Variants in AACS observed in about 807,000 individuals in gnomAD.
AACS encodes the protein acetoacetate-CoA ligase.
AACS carries 69 observed loss-of-function variants against 83.1 expected under a neutral mutation model. That is an observed-to-expected ratio of 0.83 (90% confidence interval 0.68 to 1.01). AACS has a LOEUF of 1.01. Among genes scored for constraint, AACS ranks in the 50% least tolerant of loss-of-function variants. The pLI is 0.00. For missense variants in AACS, 866 were observed against 882.2 expected, an observed-to-expected ratio of 0.98 and a Z score of 0.23; for synonymous variants, 333 against 343.4, an observed-to-expected ratio of 0.97 and a Z score of 0.33.
Position 125,124,943 on chromosome 12 carries a change from A to T in AACS, c.1228A>T (p.Thr410Ser). 6.2e-7 allele frequency: 1 copy of T among 1,614,220 alleles called. No individual in the cohort carries two copies. The highest frequency in any genetic ancestry group is 1.1e-5 in the South Asian group (1 of 91,092). The change falls in exon 12 of 18, where the codon ACT becomes TCT. Residue 410 changes from threonine to serine, a missense_variant. Physicochemically the swap from Thr to Ser is moderately conservative, Grantham distance 58. Transcript: ENST00000316519. Reference sequence around the variant, plus strand: ...CCAGATGCTCCACACGATCCTGTCCACTGGCTCCCCACTGAAAGCCCAGAG... The same window carrying T: ...CCAGATGCTCCACACGATCCTGTCCTCTGGCTCCCCACTGAAAGCCCAGAG... The part of the protein sequence containing the change: ...SLQMLHTILS[T>S]GSPLKAQSYE...
At chr12:125,065,745 G>C (rs1382054116) in intron 1 of AACS, 28 bp downstream of exon 1, 6 of 1,510,220 alleles carry the variant, frequency 4.0e-6, no homozygotes, top group Non-Finnish European at 5.3e-6. Context: ...GGCCGGGCCT[G>C]CGGGGGATGG....
In AACS at chr12:125,097,982, G is replaced by A. The variant is rs531126368; in HGVS notation, c.571-4697G>A. ...CACGCGTGCCGTCGTAGTAGCTTCC[G>A]ACCAGTCTCATTTCTGCTTCTCTCT... On this transcript the variant is annotated intron_variant, in intron 5 of 17. Coordinates refer to ENST00000316519, the MANE Select transcript of AACS (RefSeq NM_023928.5). The surrounding 1 kb of genome is among the most constrained non-coding windows in gnomAD (Gnocchi z 4.3). Among the ~76,000 whole-genome samples, 7 of 152,304 alleles carry A rather than the reference G, an allele frequency of 4.6e-5. No homozygotes were observed. The East Asian group carries it at 7.7e-4, about 17-fold the overall frequency.
intron 14 of AACS, among the ~76,000 whole-genome samples, chr12:125,131,033 C>T (rs567904963): frequency 1.4e-4 from 21 of 152,266 alleles, no homozygotes; most frequent in Non-Finnish European, 2.6e-4. Flanking sequence ...CAAAACCAAG[C>T]AACAAGAGCA....
intron 14 of AACS, among the ~76,000 whole-genome samples, chr12:125,131,717 G>A (rs537282390): frequency 6.6e-6 from 1 of 152,248 alleles, no homozygotes; most frequent in African/African-American, 2.4e-5. Context: ...TCCTGCCTCA[G>A]CCTCCTGAGT....
In AACS at chr12:125,114,569, C is replaced by A; in HGVS notation, c.996+12C>A. The A allele has an allele frequency of 6.2e-7, 1 of 1,611,528 alleles. No individual in the cohort carries two copies. The highest frequency in any genetic ancestry group is 8.5e-7 in the Non-Finnish European group (1 of 1,178,954). ...TGTGCTACACCACGGTAAGGGCTTC[C>A]CCAGGTGCTGGCCTGTGCTATACCA... On this transcript the variant is annotated intron_variant, in intron 9 of 17. Transcript: ENST00000316519.
At chr12:125,125,606 A>G (rs561053551) in intron 12 of AACS, 13 of 152,718 alleles carry the variant, frequency 8.5e-5, no homozygotes, top group African/African-American at 3.1e-4. Flanking sequence ...TTTAGTGAGT[A>G]GGCAAATTCC....
At chr12:125,070,913 AC>A (rs1955843805) in intron 1 of AACS, among the ~76,000 whole-genome samples, 3 of 152,214 alleles carry the variant, frequency 2.0e-5, no homozygotes, top group African/African-American at 7.2e-5. Context: ...GCTAATCCTC[AC>A]TGTGTGGTGT....
chr12:125,134,903 G>A (rs1957380756), intron 16 of AACS, 51 bp downstream of exon 16: 1 of 1,604,806 alleles, frequency 6.2e-7, no homozygotes, highest in East Asian at 2.2e-5. Flanking sequence ...AAGGAGGAGG[G>A]TCCTGGCGGG....
intron 7 of AACS, chr12:125,105,748 G>A (rs1313633953): frequency 6.6e-6 from 1 of 152,198 alleles, no homozygotes; most frequent in African/African-American, 2.4e-5. Flanking sequence ...ACGGGGCCGG[G>A]GGAGCCACCC....
chr12:125,098,523 C>T (rs546292159), intron 5 of AACS, among the ~76,000 whole-genome samples: 11 of 151,664 alleles, frequency 7.3e-5, no homozygotes, highest in African/African-American at 2.4e-4. Context: ...ATGATCTCAG[C>T]TCACTGCAAC....
chr12:125,111,252 G>A (rs1028654361), intron 8 of AACS, among the ~76,000 whole-genome samples: 26 of 148,972 alleles, frequency 1.7e-4, no homozygotes, highest in African/African-American at 6.0e-4. Flanking sequence ...CCTGGGTGCA[G>A]GTCTGTGAGT....
Position 125,134,856 on chromosome 12 carries a change from C to CG in AACS, c.1678+5dup. 6.2e-7 allele frequency: 1 copy of CG among 1,614,136 alleles called. No individual in the cohort carries two copies. ...AGCTCGGAAATCTATAACATTGGTA[C>CG]GTGCTTCCCCTCCCTGAGCGTTCTC... On this transcript the variant is annotated splice_donor_region_variant and intron_variant, in intron 16 of 17. Transcript: ENST00000316519.
At chr12:125,103,135 C>T (rs113208207) in intron 7 of AACS, 54 bp downstream of exon 7, 34 of 1,490,214 alleles carry the variant, frequency 2.3e-5, no homozygotes, top group African/African-American at 8.4e-5. Context: ...GGAGCTCCTG[C>T]GGGGAAGTAG....
chr12:125,097,031 G>A lies in AACS; in HGVS notation c.570+5508G>A, dbSNP rs150628634. The stretch of plus-strand genomic sequence containing the variant: ...TGGTGCCAGGAAGGGCCATTTCTGG[G>A]CATTCTGTTCTTCTGATGGATTTGG... On this transcript the variant is annotated intron_variant, in intron 5 of 17. Transcript: ENST00000316519. This position sits in a 1 kb window ranked among gnomAD's most constrained non-coding sequence, Gnocchi z 4.3. Among the ~76,000 whole-genome samples the A allele has an allele frequency of 1.5e-3, 231 of 152,282 alleles. No individual in the cohort carries two copies. The highest frequency in any genetic ancestry group is 1.8e-3 in the Non-Finnish European group (122 of 68,014).
intron 14 of AACS, among the ~76,000 whole-genome samples, chr12:125,132,724 G>A (rs1448972996): frequency 6.6e-6 from 1 of 152,150 alleles, no homozygotes; most frequent in Non-Finnish European, 1.5e-5. Context: ...GTAGCTTTGG[G>A]CTCATTTCAT....
At chr12:125,139,512 G>T (rs182135040) in intron 17 of AACS, 1 of 152,446 alleles carries the variant, frequency 6.6e-6, no homozygotes, top group Non-Finnish European at 1.5e-5. Context: ...GAGCCTCTCT[G>T]GTGGGTGCCG....
rs1957477392 is a variant in AACS, at chr12:125,140,895, C to T, written c.1882-1197C>T. The stretch of plus-strand genomic sequence containing the variant: ...AGCTGGGCCACTTCTGAAGTAATGG[C>T]AATATCAATAAAGTAATGGTCTTTA... On this transcript the variant is annotated intron_variant, in intron 17 of 17. Coordinates refer to ENST00000316519, the MANE Select transcript of AACS (RefSeq NM_023928.5). This position sits in a 1 kb window ranked among gnomAD's most constrained non-coding sequence, Gnocchi z 5.1. 1 of 152,092 alleles carries T rather than the reference C, an allele frequency of 6.6e-6. No individual in the cohort carries two copies. The highest frequency in any genetic ancestry group is 2.4e-5 in the African/African-American group (1 of 41,398). The allele number at this position is 152,092 out of a possible 1,614,324, so 9.4% of individuals were successfully genotyped here.
intron 10 of AACS, chr12:125,120,884 G>C (rs1957142384): frequency 6.6e-6 from 1 of 152,374 alleles, no homozygotes; most frequent in South Asian, 2.1e-4. Flanking sequence ...ATGTGTAAGT[G>C]CAAGTGAGTG....
chr12:125,129,150 G>A lies in AACS; in HGVS notation c.1424-185G>A. ...CGATTTTGGGGAGCACACAGGGAGGGGACTTCATCTGGGAGGAACGCATTA... is the reference window on the plus strand; with the variant it reads ...CGATTTTGGGGAGCACACAGGGAGGAGACTTCATCTGGGAGGAACGCATTA... On this transcript the variant is annotated intron_variant, in intron 13 of 17. Coordinates refer to ENST00000316519, the MANE Select transcript of AACS (RefSeq NM_023928.5). The surrounding 1 kb of genome is among the most constrained non-coding windows in gnomAD (Gnocchi z 4.3). 1 of 715,426 alleles carries A rather than the reference G, an allele frequency of 1.4e-6. No homozygotes were observed. The highest frequency in any genetic ancestry group is 2.1e-6 in the Non-Finnish European group (1 of 480,764). 44.3% of individuals were successfully genotyped at this position (715,426 alleles called of 1,614,324 possible).
Sources: gnomAD v4.1 joint callset for allele counts (sites outside exome capture counted in the v4.1 genomes callset) on GRCh38, gnomAD v4.1.1 for gene constraint, Gnocchi (gnomAD v3.1) non-coding constraint, MANE v1.5 for transcripts, NCBI Gene and HGNC (gene_info 2026-07-23, HGNC 2026-07-21) for gene names.